GALNTL6: variants seen among roughly 807,000 people sequenced by gnomAD.
GALNTL6 encodes the protein polypeptide N-acetylgalactosaminyltransferase like 6.
Under a neutral mutation model 73.7 loss-of-function variants are expected in GALNTL6, and 46 were observed. The ratio of observed to expected loss-of-function variants is 0.62; its 90% confidence interval spans 0.49 to 0.80. GALNTL6 has a LOEUF of 0.80. Among genes scored for constraint, GALNTL6 ranks in the 30% least tolerant of loss-of-function variants. The pLI is 0.00. For missense variants in GALNTL6, 604 were observed against 755.0 expected (o/e 0.80, Z 2.34); for synonymous variants, 259 against 263.7 (o/e 0.98, Z 0.17).
chr4:172,616,869 A>G (rs1380012408), intron 5 of GALNTL6, among the ~76,000 whole-genome samples: 3 of 152,018 alleles, frequency 2.0e-5, no homozygotes, highest in African/African-American at 7.2e-5. Context: ...CTTTCAAGGA[A>G]CCCACACACC....
At position 172,862,727 on chromosome 4, in the gene GALNTL6, C is replaced by A. The variant is rs529323787; in HGVS notation, c.924-20063C>A. Among the ~76,000 whole-genome samples the A allele has an allele frequency of 7.2e-3, 906 of 125,458 alleles. 8 individuals carry two copies. Among genetic ancestry groups the A allele is most frequent in the Admixed American group, 9.6e-3 (121 of 12,598 alleles). 82.3% of individuals were successfully genotyped at this position (125,458 alleles called of 152,430 possible). ...AAAAAAGAAAAAGAGAAAGAAAAAA[C>A]CCATTTTCTGGGGAGAAATTCAAGC... On this transcript the variant is annotated intron_variant, in intron 7 of 12. Transcript: ENST00000506823.
At chr4:172,895,666 G>A (rs1182638037) in intron 8 of GALNTL6, among the ~76,000 whole-genome samples, 2 of 151,888 alleles carry the variant, frequency 1.3e-5, no homozygotes, top group Admixed American at 1.3e-4. Flanking sequence ...CTTTCTCAAG[G>A]TTTGGAAAGC....
At chr4:171,859,467 T>C (rs1735774537) in intron 2 of GALNTL6, among the ~76,000 whole-genome samples, 2 of 152,056 alleles carry the variant, frequency 1.3e-5, no homozygotes, top group African/African-American at 4.8e-5. Context: ...GCATGGTGTG[T>C]GTGGACTCCC....
chr4:172,309,277 C>CT (rs989204665), intron 3 of GALNTL6, among the ~76,000 whole-genome samples: 4 of 151,004 alleles, frequency 2.6e-5, no homozygotes, highest in African/African-American at 4.9e-5. Flanking sequence ...AAGAAAGATA[C>CT]TTTTTTTTTG....
chr4:172,859,542 C>T (rs1744287015), intron 7 of GALNTL6, among the ~76,000 whole-genome samples: 1 of 151,844 alleles, frequency 6.6e-6, no homozygotes, highest in African/African-American at 2.4e-5. Context: ...AATAATGCTG[C>T]CGTTCGTTAA....
chr4:172,166,265 G>A (rs1292281761), intron 2 of GALNTL6, among the ~76,000 whole-genome samples: 1 of 152,004 alleles, frequency 6.6e-6, no homozygotes, highest in Non-Finnish European at 1.5e-5. Context: ...GAGACATGGT[G>A]AAACCCCGTC....
intron 10 of GALNTL6, among the ~76,000 whole-genome samples, chr4:172,970,435 T>C (rs917469049): frequency 1.3e-5 from 2 of 151,882 alleles, no homozygotes; most frequent in African/African-American, 4.8e-5. Flanking sequence ...TTTATAGACC[T>C]CCCCCCAGGA....
chr4:172,652,503 TAGA>T (rs1475196089), intron 5 of GALNTL6, among the ~76,000 whole-genome samples: 1 of 152,144 alleles, frequency 6.6e-6, no homozygotes, highest in Non-Finnish European at 1.5e-5. Flanking sequence ...ATTGTGCCTT[TAGA>T]ATAAAAAGCA....
intron 5 of GALNTL6, among the ~76,000 whole-genome samples, chr4:172,361,601 A>T (rs1742373004): frequency 6.6e-6 from 1 of 152,182 alleles, no homozygotes; most frequent in South Asian, 2.1e-4. Context: ...AAGGCAGTGC[A>T]TGATGAATAA....
intron 10 of GALNTL6, among the ~76,000 whole-genome samples, chr4:172,980,546 A>G (rs2126430568): frequency 6.6e-6 from 1 of 152,298 alleles, no homozygotes; most frequent in East Asian, 1.9e-4. Context: ...TAGCATGGTC[A>G]GGTCAGGTTC....
chr4:172,645,260 GA>G lies in GALNTL6; in HGVS notation c.554-164093del, dbSNP rs552986278. Among the ~76,000 whole-genome samples, 461 of 151,196 alleles carry G rather than the reference GA, an allele frequency of 3.0e-3. 4 individuals carry two copies. The highest frequency in any genetic ancestry group is 0.011 in the African/African-American group (438 of 41,254). Reference sequence around the variant, plus strand: ...AATTCTCTTGAATGTCTGTATTTAAGAAAAAAAATCACCAAAAGATCATGAA... The same window carrying G: ...AATTCTCTTGAATGTCTGTATTTAAGAAAAAAATCACCAAAAGATCATGAA... On this transcript the variant is annotated intron_variant, in intron 5 of 12. Transcript: ENST00000506823.
At chr4:171,869,391 T>C (rs1578926500) in intron 2 of GALNTL6, among the ~76,000 whole-genome samples, 1 of 152,340 alleles carries the variant, frequency 6.6e-6, no homozygotes, top group East Asian at 1.9e-4. Context: ...CTAAGGTGAA[T>C]TGGACTTCTT....
chr4:172,034,269 C>G (rs1209586062), intron 2 of GALNTL6, among the ~76,000 whole-genome samples: 2 of 152,022 alleles, frequency 1.3e-5, no homozygotes, highest in Non-Finnish European at 2.9e-5. Context: ...TGTACCAACT[C>G]AGACACTTTG....
intron 3 of GALNTL6, among the ~76,000 whole-genome samples, chr4:172,308,152 C>A (rs1040011936): frequency 3.6e-5 from 5 of 137,354 alleles, no homozygotes; most frequent in African/African-American, 1.2e-4. Context: ...TTACTGAATT[C>A]ATTTACCAGT....
rs1394453204 is a variant in GALNTL6, at chr4:172,694,254, T to A, written c.554-115107T>A. Among the ~76,000 whole-genome samples, 3 of 152,240 alleles carry A rather than the reference T, an allele frequency of 2.0e-5. 1 individual carries two copies. The highest frequency in any genetic ancestry group is 4.2e-4 in the South Asian group (2 of 4,818). On this transcript the variant is annotated intron_variant, in intron 5 of 12. Coordinates refer to ENST00000506823, the MANE Select transcript of GALNTL6 (RefSeq NM_001034845.3). ...AACCCATCATCTAGGCTTTAAGCCC[T>A]GCATGCATTAGGTATTTGTCCTAAT...
intron 2 of GALNTL6, among the ~76,000 whole-genome samples, chr4:172,112,634 T>A (rs1440695418): frequency 6.6e-6 from 1 of 152,004 alleles, no homozygotes; most frequent in Non-Finnish European, 1.5e-5. Context: ...AATTTGTATT[T>A]CCCTAATGAC....
intron 2 of GALNTL6, among the ~76,000 whole-genome samples, chr4:171,899,953 C>T (rs1459097492): frequency 6.6e-6 from 1 of 152,074 alleles, no homozygotes; most frequent in Non-Finnish European, 1.5e-5. Context: ...AAGTCAAGAC[C>T]TCTTTTTGTA....
chr4:172,366,632 C>T (rs903566500), intron 5 of GALNTL6, among the ~76,000 whole-genome samples: 1 of 152,072 alleles, frequency 6.6e-6, no homozygotes, highest in African/African-American at 2.4e-5. Flanking sequence ...TTTGAGTTAA[C>T]AAATAGAAAC....
chr4:172,644,045 T>A (rs562631804), intron 5 of GALNTL6, among the ~76,000 whole-genome samples: 1 of 152,066 alleles, frequency 6.6e-6, no homozygotes, highest in East Asian at 1.9e-4. Flanking sequence ...CTTGCCTTCT[T>A]CAAAATTTAG....
Sources: allele counts gnomAD v4.1 joint callset (sites outside exome capture counted in the v4.1 genomes callset), GRCh38; gene constraint gnomAD v4.1.1; transcripts MANE v1.5; gene names NCBI Gene and HGNC (gene_info 2026-07-23, HGNC 2026-07-21).